AGMO: variants seen among roughly 807,000 people sequenced by gnomAD.
AGMO encodes glyceryl-ether monooxygenase.
Under a neutral mutation model 60.2 loss-of-function variants are expected in AGMO, and 75 were observed. That is an observed-to-expected ratio of 1.25 (90% CI 1.03 to 1.51). The LOEUF (loss-of-function observed/expected upper bound fraction) is 1.51, where lower values mean the gene tolerates loss of function less well. Ranked by LOEUF, AGMO falls within the 40% of genes most tolerant of loss-of-function variation. The pLI, the probability that AGMO is intolerant of heterozygous loss-of-function variation, is 0.00. For missense variants in AGMO, 763 were observed against 525.5 expected (o/e 1.45, Z -4.42); for synonymous variants, 261 against 177.1 (o/e 1.47, Z -3.76).
chr7:15,140,021 G>A, the AGMO span, among the ~76,000 whole-genome samples: 5 of 150,632 alleles, frequency 3.3e-5, no homozygotes, highest in East Asian at 7.8e-4. Flanking sequence ...GACAAAAAGA[G>A]GAGATTTGAA....
intron 3 of AGMO, among the ~76,000 whole-genome samples, chr7:15,491,546 A>C (rs1470718708): frequency 6.6e-6 from 1 of 152,200 alleles, no homozygotes; most frequent in Non-Finnish European, 1.5e-5. Flanking sequence ...CTTTAATACT[A>C]TTAACTCATT....
At chr7:15,332,226 C>G (rs937826809) in intron 12 of AGMO, among the ~76,000 whole-genome samples, 13 of 152,156 alleles carry the variant, frequency 8.5e-5, no homozygotes, top group Non-Finnish European at 1.6e-4. Context: ...GTGGTGTTGA[C>G]TAATACATAC....
At chr7:15,368,328 C>T (rs1783064179) in intron 10 of AGMO, among the ~76,000 whole-genome samples, 2 of 148,288 alleles carry the variant, frequency 1.3e-5, no homozygotes, top group Admixed American at 1.3e-4. Context: ...GTAGAAGTAA[C>T]TAAGGTTTGT....
At chr7:15,123,382 G>C in the AGMO span, among the ~76,000 whole-genome samples, 7 of 151,882 alleles carry the variant, frequency 4.6e-5, no homozygotes, top group African/African-American at 1.7e-4. Flanking sequence ...TGAGATCTGA[G>C]AAGTTATTTT....
chr7:15,229,735 AT>A (rs1232789744), intron 12 of AGMO, among the ~76,000 whole-genome samples: 9 of 146,986 alleles, frequency 6.1e-5, no homozygotes, highest in Admixed American at 5.5e-4. Context: ...TAAATTATAT[AT>A]TATAATATAT....
chr7:15,319,842 T>C (rs1781052997), intron 12 of AGMO, among the ~76,000 whole-genome samples: 1 of 152,022 alleles, frequency 6.6e-6, no homozygotes, highest in Non-Finnish European at 1.5e-5. Context: ...CAAGCTTTAA[T>C]TTGAGAGGAA....
In AGMO at chr7:15,247,166, T is replaced by G. The variant is rs1484966336; in HGVS notation, c.1264-45807A>C. ...GCACTGGTTATCCTAAAAAAAAAACTGAGAAACAAATTAAATGTCCAACAG... is the reference window on the plus strand; with the variant it reads ...GCACTGGTTATCCTAAAAAAAAAACGGAGAAACAAATTAAATGTCCAACAG... On this transcript the variant is annotated intron_variant, in intron 12 of 12. Transcript: ENST00000342526. Among the ~76,000 whole-genome samples the G allele has an allele frequency of 6.6e-5, 10 of 151,508 alleles. No homozygotes were observed. In the Middle Eastern group the frequency reaches 0.014, roughly 209 times the overall value.
At chr7:15,421,876 T>C (rs145573147) in intron 4 of AGMO, among the ~76,000 whole-genome samples, 2 of 152,154 alleles carry the variant, frequency 1.3e-5, no homozygotes, top group East Asian at 1.9e-4. Context: ...AGTGGGAAGA[T>C]AGTCAAAGAT....
intron 12 of AGMO, among the ~76,000 whole-genome samples, chr7:15,204,640 A>G (rs1435968586): frequency 2.6e-5 from 4 of 152,116 alleles, no homozygotes; most frequent in Admixed American, 2.6e-4. Context: ...CTAACACATC[A>G]TTAGTGGTCC....
At chr7:15,210,738 A>G (rs1040494428) in intron 12 of AGMO, among the ~76,000 whole-genome samples, 9 of 152,066 alleles carry the variant, frequency 5.9e-5, no homozygotes, top group African/African-American at 2.2e-4. Flanking sequence ...ATCTTTGGCT[A>G]GGCCTCTTCT....
downstream of AGMO, among the ~76,000 whole-genome samples, chr7:15,198,133 T>A (rs1331768311): frequency 6.6e-6 from 1 of 150,898 alleles, no homozygotes; most frequent in Non-Finnish European, 1.5e-5. Context: ...ATTTGCAAAG[T>A]CAGTTTGCAT....
chr7:15,276,354 T>A, intron 12 of AGMO, among the ~76,000 whole-genome samples: 1 of 151,800 alleles, frequency 6.6e-6, no homozygotes, highest in Non-Finnish European at 1.5e-5. Context: ...AGGCCAAAAA[T>A]AGGCTCCCAA....
intron 6 of AGMO, among the ~76,000 whole-genome samples, chr7:15,392,718 G>C (rs1481948059): frequency 1.3e-5 from 2 of 152,088 alleles, no homozygotes; most frequent in Admixed American, 1.3e-4. Flanking sequence ...AGAATCACTT[G>C]AACCCGGTAG....
At chr7:15,243,296 G>A (rs1782646406) in intron 12 of AGMO, among the ~76,000 whole-genome samples, 1 of 152,024 alleles carries the variant, frequency 6.6e-6, no homozygotes, top group African/African-American at 2.4e-5. Context: ...AGCAGCTACA[G>A]CATTATTCTC....
intron 3 of AGMO, among the ~76,000 whole-genome samples, chr7:15,502,763 T>C (rs954371676): frequency 6.6e-6 from 1 of 152,022 alleles, no homozygotes; most frequent in African/African-American, 2.4e-5. Flanking sequence ...TTGAATGAAA[T>C]AGAGAAAATT....
At chr7:15,321,090 T>G (rs1169820441) in intron 12 of AGMO, among the ~76,000 whole-genome samples, 1 of 152,176 alleles carries the variant, frequency 6.6e-6, no homozygotes, top group East Asian at 1.9e-4. Context: ...AGTTGTGAAG[T>G]TCAAAAGCTC....
At chr7:15,354,327 T>TGTATACACACGCGTGTATATACAC (rs1491261219) in intron 12 of AGMO, among the ~76,000 whole-genome samples, 1 of 32,224 alleles carries the variant, frequency 3.1e-5, no homozygotes, top group African/African-American at 2.2e-4. Context: ...TGTATATACG[T>TGTATACACACGCGTGTATATACAC]ACGCGTGTAT....
chr7:15,236,241 A>C (rs1200605745), intron 12 of AGMO, among the ~76,000 whole-genome samples: 1 of 152,126 alleles, frequency 6.6e-6, no homozygotes, highest in Non-Finnish European at 1.5e-5. Context: ...GTTGAATAAT[A>C]CTCTGTCTAG....
At chr7:15,398,320 C>T (rs1223780671) in intron 5 of AGMO, among the ~76,000 whole-genome samples, 1 of 152,060 alleles carries the variant, frequency 6.6e-6, no homozygotes, top group African/African-American at 2.4e-5. Context: ...ATCTTTTGCT[C>T]CTGCAGGCTA....
Sources: allele counts gnomAD v4.1 joint callset (sites outside exome capture counted in the v4.1 genomes callset), GRCh38; gene constraint gnomAD v4.1.1; transcripts MANE v1.5; gene names NCBI Gene and HGNC (gene_info 2026-07-23, HGNC 2026-07-21).